YEATS2: variants seen among roughly 807,000 people sequenced by gnomAD.
YEATS2 encodes YEATS domain-containing protein 2.
Under a neutral mutation model 163.2 loss-of-function variants are expected in YEATS2, and 77 were observed. The ratio of observed to expected loss-of-function variants is 0.47; its 90% CI spans 0.39 to 0.57. YEATS2 has a LOEUF of 0.57. Among genes scored for constraint, YEATS2 ranks in the 20% least tolerant of loss-of-function variants. The pLI, the probability that YEATS2 is intolerant of heterozygous loss-of-function variation, is 0.00. For synonymous variants in YEATS2, 631 were observed against 645.1 expected, an observed-to-expected ratio of 0.98 and a Z score of 0.33; for missense variants, 1,549 against 1,729.8, an observed-to-expected ratio of 0.90 and a Z score of 1.85.
intron 6 of YEATS2, among the ~76,000 whole-genome samples, chr3:183,727,682 A>C (rs1396396446): frequency 6.6e-6 from 1 of 152,174 alleles, no homozygotes; most frequent in Non-Finnish European, 1.5e-5. Flanking sequence ...TACTGAAATA[A>C]AGACAGGGCC....
intron 19 of YEATS2, 68 bp from the exon 20 acceptor site, chr3:183,786,057 C>A: frequency 1.3e-6 from 2 of 1,528,498 alleles, no homozygotes; most frequent in Admixed American, 1.8e-5. Context: ...TCTCAGCTGT[C>A]AGTAAGGAAT....
rs116256564 is a variant in YEATS2, at chr3:183,772,798, C to T, written c.2206+235C>T. On this transcript the variant is annotated intron_variant, in intron 16 of 30. Coordinates refer to ENST00000305135, the MANE Select transcript of YEATS2 (RefSeq NM_018023.5). Reference sequence around the variant, plus strand: ...ACACACCCACATACACACACACACACGAACAAATCATTTCTCAGTACTGTG... The same window carrying T: ...ACACACCCACATACACACACACACATGAACAAATCATTTCTCAGTACTGTG... 4.5e-3 allele frequency among the ~76,000 whole-genome samples: 677 copies of T among 152,080 alleles called. 6 individuals are homozygous for T. Among genetic ancestry groups the T allele is most frequent in the African/African-American group, 0.015 (624 of 41,482 alleles).
intron 15 of YEATS2, among the ~76,000 whole-genome samples, chr3:183,767,545 T>G (rs1407044366): frequency 6.6e-6 from 1 of 152,026 alleles, no homozygotes; most frequent in Non-Finnish European, 1.5e-5. Flanking sequence ...CATGCCTAGC[T>G]AATTTTTTTG....
intron 8 of YEATS2, among the ~76,000 whole-genome samples, chr3:183,737,542 T>G (rs1204224760): frequency 6.6e-6 from 1 of 152,208 alleles, no homozygotes; most frequent in Non-Finnish European, 1.5e-5. Context: ...ATCAATGTGT[T>G]TCTTGGGGCT....
intron 27 of YEATS2, chr3:183,806,445 T>C: frequency 2.2e-6 from 1 of 457,022 alleles, no homozygotes. Flanking sequence ...ACCCATAATA[T>C]ACATTGAAAT....
chr3:183,777,769 G>A, intron 19 of YEATS2, 69 bp downstream of exon 19: 1 of 1,521,268 alleles, frequency 6.6e-7, no homozygotes, highest in South Asian at 1.2e-5. Context: ...TTTACATGTA[G>A]TTTCTCTCTT....
chr3:183,699,128 G>T (rs1009039339), intron 1 of YEATS2, among the ~76,000 whole-genome samples: 12 of 152,068 alleles, frequency 7.9e-5, no homozygotes, highest in African/African-American at 2.9e-4. Flanking sequence ...CAGGGAGATG[G>T]GGAAGTATAA....
At chr3:183,755,178 C>T (rs1194440705) in intron 11 of YEATS2, among the ~76,000 whole-genome samples, 10 of 151,960 alleles carry the variant, frequency 6.6e-5, no homozygotes, top group African/African-American at 1.4e-4. Context: ...TGCAATGGCG[C>T]GATCTCAGCT....
rs752454178 is a variant in YEATS2 at position 183,736,712 on chromosome 3, C to G, written c.813-6C>G. 6.2e-7 allele frequency: 1 copy of G among 1,610,208 alleles called. No homozygotes were observed. Among genetic ancestry groups the G allele is most frequent in the East Asian group, 2.2e-5 (1 of 44,758 alleles). ...GATGAACGTGTTAATATCTGCTTTT[C>G]CATAGAGAGCCTCCTTTTCACCTGA... On this transcript the variant is annotated splice_polypyrimidine_tract_variant and splice_region_variant and intron_variant, in intron 7 of 30. Coordinates refer to ENST00000305135, the MANE Select transcript of YEATS2 (RefSeq NM_018023.5).
intron 20 of YEATS2, among the ~76,000 whole-genome samples, chr3:183,790,508 G>A (rs1333594842): frequency 6.6e-6 from 1 of 152,102 alleles, no homozygotes; most frequent in Non-Finnish European, 1.5e-5. Context: ...TGGTGATGAA[G>A]TTGCCTTTTA....
At chr3:183,718,013 CAA>C (rs946071889) in intron 3 of YEATS2, among the ~76,000 whole-genome samples, 6 of 151,728 alleles carry the variant, frequency 4.0e-5, no homozygotes, top group Non-Finnish European at 7.4e-5. Context: ...TGACTACAGT[CAA>C]CAATAATTTA....
chr3:183,755,398 T>C (rs1202596050), intron 11 of YEATS2, among the ~76,000 whole-genome samples: 2 of 152,098 alleles, frequency 1.3e-5, no homozygotes, highest in African/African-American at 2.4e-5. Flanking sequence ...GTTACAGGCG[T>C]GAGCCACCGT....
In YEATS2 at chr3:183,812,334, A is replaced by G. The variant is rs922273143; in HGVS notation, c.*1751A>G. On this transcript the variant is annotated 3_prime_UTR_variant, in exon 31 of 31. Coordinates refer to ENST00000305135, the MANE Select transcript of YEATS2 (RefSeq NM_018023.5). ...ACGCACTGGCTTAACAGTTTAGTAT[A>G]TAAGGCTCAAATAGTCTATACCTGA... The G allele has an allele frequency of 8.5e-5, 13 of 152,240 alleles. No homozygotes were observed. The highest frequency in any genetic ancestry group is 2.9e-4 in the African/African-American group (12 of 41,448). 9.4% of individuals were successfully genotyped at this position (152,240 alleles called of 1,614,324 possible).
At chr3:183,748,513 C>G (rs563431701) in intron 9 of YEATS2, among the ~76,000 whole-genome samples, 1 of 152,302 alleles carries the variant, frequency 6.6e-6, no homozygotes, top group Admixed American at 6.5e-5. Flanking sequence ...TCAGGTGATC[C>G]ACCCGCTTTG....
At chr3:183,775,537 G>A (rs988398920) in intron 17 of YEATS2, among the ~76,000 whole-genome samples, 1 of 152,228 alleles carries the variant, frequency 6.6e-6, no homozygotes, top group Non-Finnish European at 1.5e-5. Flanking sequence ...AGAGGTTGCA[G>A]TGAGCCAAGA....
chr3:183,779,602 G>A (rs1308510663), intron 19 of YEATS2, among the ~76,000 whole-genome samples: 5 of 152,148 alleles, frequency 3.3e-5, no homozygotes, highest in African/African-American at 2.4e-5. Context: ...AGGAGCAACC[G>A]TGCTTTATAG....
At chr3:183,808,927 G>A (rs1233686177) in intron 29 of YEATS2, 170 bp from the exon 30 acceptor site, 1 of 580,776 alleles carries the variant, frequency 1.7e-6, no homozygotes, top group African/African-American at 1.9e-5. Flanking sequence ...TCAGAATCAT[G>A]GCCTTTATCA....
At chr3:183,721,640 T>C (rs569248496) in intron 4 of YEATS2, among the ~76,000 whole-genome samples, 3 of 152,320 alleles carry the variant, frequency 2.0e-5, no homozygotes, top group Admixed American at 2.0e-4. Context: ...TTATTTCTCA[T>C]TTACCTCCGG....
At chr3:183,714,436 TC>T in intron 1 of YEATS2, among the ~76,000 whole-genome samples, 1 of 151,874 alleles carries the variant, frequency 6.6e-6, no homozygotes, top group South Asian at 2.1e-4. Flanking sequence ...GACCTCGTGA[TC>T]CGCCCACCTC....
Sources: gnomAD v4.1 joint callset for allele counts (sites outside exome capture counted in the v4.1 genomes callset) on GRCh38, gnomAD v4.1.1 for gene constraint, MANE v1.5 for transcripts, NCBI Gene and HGNC (gene_info 2026-07-23, HGNC 2026-07-21) for gene names.